PRIM1: variants seen among roughly 807,000 people sequenced by gnomAD.
The protein encoded by PRIM1 is DNA primase subunit 1.
A neutral mutation model predicts 60.2 loss-of-function variants in PRIM1; 38 were observed. The observed-to-expected ratio is 0.63, with a 90% CI of 0.49 to 0.83. The LOEUF (loss-of-function observed/expected upper bound fraction) is 0.83, where lower values mean the gene tolerates loss of function less well. PRIM1 is among the 40% of genes least tolerant of loss of function. The probability of loss-of-function intolerance (pLI) is 0.00; values close to 1 mark genes in which losing one functional copy is unlikely to be tolerated. For missense variants in PRIM1, 388 were observed against 506.2 expected, an observed-to-expected ratio of 0.77 and a Z score of 2.24; for synonymous variants, 158 against 160.2, an observed-to-expected ratio of 0.99 and a Z score of 0.10.
chr12:56,741,786 T>C lies in PRIM1; in HGVS notation c.800A>G (p.Gln267Arg). The C allele has an allele frequency of 1.2e-6, 2 of 1,614,008 alleles. No homozygotes were observed. The highest frequency in any genetic ancestry group is 1.7e-6 in the Non-Finnish European group (2 of 1,179,884). Residue 267 changes from glutamine to arginine, a missense_variant, in exon 8 of 13, where the codon CAG (glutamine) becomes CGG (arginine). By Grantham distance (43) the Gln-to-Arg change is conservative. Transcript: ENST00000338193. The part of the protein sequence containing the change: ...QSFQKSHNSL[Q>R]RWEHLKKVAS... ...TACTTTCTTCAAGTGCTCCCAACGCTGAAGTGAATTGTGAGACTTTTGGAA... is the reference window on the plus strand; with the variant it reads ...TACTTTCTTCAAGTGCTCCCAACGCCGAAGTGAATTGTGAGACTTTTGGAA...
chr12:56,738,625 C>T, intron 10 of PRIM1, 100 bp from the exon 11 acceptor site: 1 of 1,226,488 alleles, frequency 8.2e-7, no homozygotes, highest in Non-Finnish European at 1.1e-6. Context: ...GATCTTGGCT[C>T]ACTGCAACCT....
chr12:56,751,967 T>C (rs1308124386), intron 1 of PRIM1, among the ~76,000 whole-genome samples: 1 of 11,844 alleles, frequency 8.4e-5, no homozygotes, highest in Non-Finnish European at 1.4e-4. Context: ...GGCGGCTCTG[T>C]TTTTTTTTTT....
chr12:56,752,143 C>G (rs777246362), intron 1 of PRIM1, 53 bp downstream of exon 1: 4 of 1,332,076 alleles, frequency 3.0e-6, no homozygotes, highest in Non-Finnish European at 4.2e-6. Context: ...AAGGACACCC[C>G]GCCTCCAACC....
chr12:56,742,906 T>C, intron 7 of PRIM1, 81 bp downstream of exon 7: 1 of 1,052,864 alleles, frequency 9.5e-7, no homozygotes, highest in Non-Finnish European at 1.3e-6. Context: ...TATGAGAACT[T>C]ACAAGCAGAC....
chr12:56,736,330 A>G (rs967770715), intron 11 of PRIM1, among the ~76,000 whole-genome samples: 1 of 146,676 alleles, frequency 6.8e-6, no homozygotes, highest in Non-Finnish European at 1.5e-5. Context: ...AAAAAAAAGA[A>G]TATACAATTT....
In PRIM1 at chr12:56,738,314, C is replaced by T. The variant is rs541802577; in HGVS notation, c.1144+120G>A. The T allele has an allele frequency of 6.0e-6, 8 of 1,329,924 alleles. No individual in the cohort carries two copies. In the East Asian group the frequency reaches 1.8e-4, roughly 30 times the overall value. The allele number at this position is 1,329,924 out of a possible 1,614,324, so 82.4% of individuals were successfully genotyped here. A position where few individuals can be genotyped will look rare whatever the true frequency, so the allele number is the denominator to read the frequency against. The stretch of plus-strand genomic sequence containing the variant: ...GAAGAAAGGACACAAACATTGTATG[C>T]AGTTCCAGGACAAATGCTGATCCAT... On this transcript the variant is annotated intron_variant, in intron 11 of 12. Coordinates refer to ENST00000338193, the MANE Select transcript of PRIM1 (RefSeq NM_000946.3).
chr12:56,748,600 C>T (rs189908891), intron 2 of PRIM1, among the ~76,000 whole-genome samples: 276 of 149,404 alleles, frequency 1.8e-3, no homozygotes, highest in Non-Finnish European at 7.1e-4. Context: ...GCACTCCAGC[C>T]TGGATGACAG....
Position 56,751,023 on chromosome 12 carries a change from A to G in PRIM1, c.261+15T>C, listed in dbSNP as rs1040931226. 4 of 1,409,710 alleles carry G rather than the reference A, an allele frequency of 2.8e-6. No homozygotes were observed. The highest frequency in any genetic ancestry group is 2.9e-5 in the African/African-American group (2 of 67,864). The allele number at this position is 1,409,710 out of a possible 1,614,324, so 87.3% of individuals were successfully genotyped here. On this transcript the variant is annotated intron_variant, in intron 2 of 12. Transcript: ENST00000338193. Reference sequence around the variant, plus strand: ...AAAATAAAACAACAAAATATATTAAAAAAAGATTTCTTACTCTGTGAGAAT... The same window carrying G: ...AAAATAAAACAACAAAATATATTAAGAAAAGATTTCTTACTCTGTGAGAAT...
Position 56,746,997 on chromosome 12 carries a change from G to A in PRIM1, c.297C>T (p.Phe99=). 1 of 1,613,622 alleles carries A rather than the reference G, an allele frequency of 6.2e-7. No homozygotes were observed. The highest frequency in any genetic ancestry group is 8.5e-7 in the Non-Finnish European group (1 of 1,179,730). The change falls in exon 3 of 13, where the codon TTC becomes TTT. Residue 99 remains phenylalanine (F), a synonymous_variant. Transcript: ENST00000338193. ...ATACCAGTTCTTTTTCCTGAGCCTG[G>A]AAAGCTCCCAGCTTCACTGTATTGT... ...NQHNTVKLGA[F]QAQEKELVFD... is the part of the protein sequence containing the mutation.
chr12:56,738,741 A>G (rs1169606574), intron 10 of PRIM1, among the ~76,000 whole-genome samples: 1 of 152,148 alleles, frequency 6.6e-6, no homozygotes, highest in Non-Finnish European at 1.5e-5. Flanking sequence ...TAGTAGAGAC[A>G]GGGTTTCACC....
At chr12:56,733,999 A>T in intron 12 of PRIM1, 148 bp downstream of exon 12, 1 of 575,942 alleles carries the variant, frequency 1.7e-6, no homozygotes, top group Middle Eastern at 4.4e-4. Flanking sequence ...AATTGAATTA[A>T]GGAACCTCAA....
Position 56,746,961 on chromosome 12 carries a change from G to A in PRIM1, c.333C>T (p.Asp111=). The A allele has an allele frequency of 1.2e-6, 2 of 1,613,916 alleles. No homozygotes were observed. Among genetic ancestry groups the A allele is most frequent in the Non-Finnish European group, 8.5e-7 (1 of 1,179,840 alleles). Residue 111 remains aspartate, a synonymous_variant, in exon 3 of 13, where the codon GAC becomes GAT. Coordinates refer to ENST00000338193, the MANE Select transcript of PRIM1 (RefSeq NM_000946.3). ...AQEKELVFDI[D]MTDYDDVRRC... is the part of the protein sequence containing the mutation. ...TCCTCACATCGTCATAGTCTGTCAT[G>A]TCAATGTCAAATACCAGTTCTTTTT...
chr12:56,734,336 G>A, intron 11 of PRIM1, 91 bp from the exon 12 acceptor site: 2 of 735,296 alleles, frequency 2.7e-6, no homozygotes, highest in Non-Finnish European at 4.4e-6. Context: ...AATTCTCTAG[G>A]GCTGCCCAAT....
chr12:56,743,327 G>T (rs149953026), intron 6 of PRIM1, among the ~76,000 whole-genome samples: 6 of 152,270 alleles, frequency 3.9e-5, no homozygotes, highest in East Asian at 1.9e-4. Context: ...TACAAGAAAT[G>T]TTTACTTTTT....
chr12:56,743,189 T>G, intron 6 of PRIM1, 93 bp from the exon 7 acceptor site: 1 of 1,342,152 alleles, frequency 7.5e-7, no homozygotes, highest in South Asian at 1.7e-5. Flanking sequence ...AACTACTGCT[T>G]ATTTTCATGA....
At chr12:56,739,747 C>T (rs753712638) in intron 9 of PRIM1, among the ~76,000 whole-genome samples, 1 of 152,120 alleles carries the variant, frequency 6.6e-6, no homozygotes, top group Non-Finnish European at 1.5e-5. Flanking sequence ...CACTATGTTG[C>T]CCAGAACTCC....
At chr12:56,745,440 C>CA (rs957168651) in intron 5 of PRIM1, among the ~76,000 whole-genome samples, 4 of 151,226 alleles carry the variant, frequency 2.6e-5, no homozygotes, top group African/African-American at 4.9e-5. Flanking sequence ...CAAAAAAAAC[C>CA]AAAAAAACAA....
intron 6 of PRIM1, among the ~76,000 whole-genome samples, chr12:56,743,327 G>A (rs149953026): frequency 6.6e-6 from 1 of 152,152 alleles, no homozygotes; most frequent in African/African-American, 2.4e-5. Context: ...TACAAGAAAT[G>A]TTTACTTTTT....
rs1245734212 is a variant in PRIM1, at chr12:56,739,159, C to CT, written c.1052+134dup. 3 of 569,510 alleles carry CT rather than the reference C, an allele frequency of 5.3e-6. No individual in the cohort carries two copies. The African/African-American group carries it at 5.7e-5, about 11-fold the overall frequency. 35.3% of individuals were successfully genotyped at this position (569,510 alleles called of 1,614,324 possible). A position where few individuals can be genotyped will look rare whatever the true frequency, so the allele number is the denominator to read the frequency against. ...TTCTATTAGGGCATCGTCATCTAAC[C>CT]TTTGAACCTTATTTGGTTTCCATAA... On this transcript the variant is annotated intron_variant, in intron 10 of 12. Transcript: ENST00000338193.
Sources: gnomAD v4.1 joint callset for allele counts (sites outside exome capture counted in the v4.1 genomes callset) on GRCh38, gnomAD v4.1.1 for gene constraint, MANE v1.5 for transcripts, NCBI Gene and HGNC (gene_info 2026-07-23, HGNC 2026-07-21) for gene names.